The following MALRD1 variants were observed in gnomAD, a reference collection of about 807,000 sequenced individuals.
The protein encoded by MALRD1 is MAM and LDL receptor class A domain containing 1, also known as MAM and LDL-receptor class A domain-containing protein 1.
In MALRD1, 247 loss-of-function variants were observed where a neutral mutation model predicts 242.1. That is an observed-to-expected ratio of 1.02 (90% CI 0.92 to 1.13). The LOEUF is 1.13. MALRD1 is among the 50% of genes most tolerant of loss of function. MALRD1 has a pLI of 0.00. For missense variants in MALRD1, 2,989 were observed against 2,533.1 expected (o/e 1.18, Z -3.86); for synonymous variants, 995 against 866.6 (o/e 1.15, Z -2.60).
chr10:19,271,537 G>A lies in MALRD1; in HGVS notation c.3080-8510G>A, dbSNP rs568931249. On this transcript the variant is annotated intron_variant, in intron 19 of 39. Coordinates refer to ENST00000454679, the MANE Select transcript of MALRD1 (RefSeq NM_001142308.3). ...CCCAGCACTTTGGGAGGCCGAGGCGGGCAGATCACGAGGTCAGAGATCGAG... is the reference window on the plus strand; with the variant it reads ...CCCAGCACTTTGGGAGGCCGAGGCGAGCAGATCACGAGGTCAGAGATCGAG... Among the ~76,000 whole-genome samples, 10 of 152,300 alleles carry A rather than the reference G, an allele frequency of 6.6e-5. No individual in the cohort carries two copies. In the East Asian group the frequency reaches 1.2e-3, roughly 18 times the overall value.
intron 36 of MALRD1, among the ~76,000 whole-genome samples, chr10:19,687,544 C>A (rs954026399): frequency 1.3e-5 from 2 of 152,170 alleles, no homozygotes; most frequent in African/African-American, 4.8e-5. Context: ...CAGAGCTTAT[C>A]CACTTTCCTT....
intron 36 of MALRD1, among the ~76,000 whole-genome samples, chr10:19,637,340 C>G (rs1474035733): frequency 1.3e-5 from 2 of 151,966 alleles, no homozygotes; most frequent in Non-Finnish European, 2.9e-5. Flanking sequence ...TTTGATAAGA[C>G]TTGAGATAAT....
In MALRD1 at chr10:19,595,820, A is replaced by C. The variant is rs567296515; in HGVS notation, c.5944+363A>C. 5.9e-5 allele frequency among the ~76,000 whole-genome samples: 9 copies of C among 152,322 alleles called. No individual in the cohort carries two copies. In the South Asian group the frequency reaches 1.7e-3, roughly 28 times the overall value. ...CCATAAAGGTTCATGAAAATGGCTC[A>C]AGTAAAGGGCATATTGATAGAGATT... On this transcript the variant is annotated intron_variant, in intron 34 of 39. Transcript: ENST00000454679.
chr10:19,609,563 C>T (rs1005900371), intron 35 of MALRD1, among the ~76,000 whole-genome samples: 2 of 152,054 alleles, frequency 1.3e-5, no homozygotes, highest in Admixed American at 1.3e-4. Flanking sequence ...AGTGGTCTCA[C>T]CATGGTCACT....
intron 32 of MALRD1, among the ~76,000 whole-genome samples, chr10:19,541,325 C>T (rs1357286431): frequency 6.6e-6 from 1 of 152,056 alleles, no homozygotes; most frequent in African/African-American, 2.4e-5. Context: ...ATGCATAAAA[C>T]GTAGGGAGAT....
intron 31 of MALRD1, among the ~76,000 whole-genome samples, chr10:19,504,832 G>A (rs552928004): frequency 9.9e-4 from 150 of 150,858 alleles, no homozygotes; most frequent in Middle Eastern, 3.4e-3. Context: ...ACAGGCGCCC[G>A]CCACCGCGCC....
intron 5 of MALRD1, among the ~76,000 whole-genome samples, chr10:19,106,517 TTCTA>T (rs944232664): frequency 6.6e-6 from 1 of 151,948 alleles, no homozygotes; most frequent in Non-Finnish European, 1.5e-5. Flanking sequence ...TATTTGAATC[TTCTA>T]TCTTTTTTCC....
chr10:19,388,986 A>G (rs767352999), intron 27 of MALRD1, among the ~76,000 whole-genome samples: 5 of 152,132 alleles, frequency 3.3e-5, no homozygotes, highest in African/African-American at 4.8e-5. Flanking sequence ...GGATATGTCA[A>G]TGTGCAAGAA....
chr10:19,327,950 A>G (rs1320522744), intron 23 of MALRD1, among the ~76,000 whole-genome samples: 2 of 152,150 alleles, frequency 1.3e-5, no homozygotes, highest in African/African-American at 2.4e-5. Context: ...TCACACGTAT[A>G]AGGAACATTT....
chr10:19,388,568 C>T lies in MALRD1; in HGVS notation c.4687+795C>T, dbSNP rs141068574. On this transcript the variant is annotated intron_variant, in intron 27 of 39. Coordinates refer to ENST00000454679, the MANE Select transcript of MALRD1 (RefSeq NM_001142308.3). ...GATAAAATTTGACCTGTGTGCCTCACAGAGATTGTGGAGATGATGTATATG... is the reference window on the plus strand; with the variant it reads ...GATAAAATTTGACCTGTGTGCCTCATAGAGATTGTGGAGATGATGTATATG... 8.6e-4 allele frequency among the ~76,000 whole-genome samples: 131 copies of T among 152,148 alleles called. 2 individuals carry two copies. In the East Asian group the frequency reaches 0.021, roughly 25 times the overall value.
At chr10:19,368,747 G>A (rs1845219395) in intron 26 of MALRD1, among the ~76,000 whole-genome samples, 1 of 151,344 alleles carries the variant, frequency 6.6e-6, no homozygotes, top group Non-Finnish European at 1.5e-5. Context: ...AGTGATCATG[G>A]GATGTTTTTC....
At chr10:19,103,129 G>C (rs887359847) in intron 4 of MALRD1, among the ~76,000 whole-genome samples, 2 of 152,010 alleles carry the variant, frequency 1.3e-5, no homozygotes, top group Non-Finnish European at 2.9e-5. Context: ...GATTACAGGC[G>C]TGAGGCACTG....
intron 19 of MALRD1, among the ~76,000 whole-genome samples, chr10:19,258,231 C>T (rs1370665841): frequency 6.6e-6 from 1 of 152,032 alleles, no homozygotes; most frequent in Non-Finnish European, 1.5e-5. Context: ...ACATATTTTC[C>T]AGATATATAT....
At position 19,607,863 on chromosome 10, in the gene MALRD1, G is replaced by A. The variant is rs758107901; in HGVS notation, c.6031G>A (p.Asp2011Asn). ...PAHQRCDGFA[D>N]CMDFQLDESS... ...CCACCAGCGCTGTGATGGTTTTGCCGACTGCATGGATTTCCAGCTTGATGA... is the reference window on the plus strand; with the variant it reads ...CCACCAGCGCTGTGATGGTTTTGCCAACTGCATGGATTTCCAGCTTGATGA... The change falls in exon 35 of 40, where the codon GAC (aspartate) becomes AAC (asparagine). Residue 2011 changes from aspartate to asparagine, a missense_variant. Coordinates refer to ENST00000454679, the MANE Select transcript of MALRD1 (RefSeq NM_001142308.3). 2.1e-5 allele frequency: 33 copies of A among 1,549,642 alleles called. 1 individual carries two copies. In the South Asian group the frequency reaches 3.3e-4, roughly 16 times the overall value.
At chr10:19,140,526 GGTGTGT>G in intron 10 of MALRD1, among the ~76,000 whole-genome samples, 1 of 111,504 alleles carries the variant, frequency 9.0e-6, no homozygotes, top group Non-Finnish European at 2.0e-5. Context: ...AAACAAGTGG[GGTGTGT>G]GTGTGTGTGT....
chr10:19,516,492 T>A (rs1177422844), intron 31 of MALRD1, among the ~76,000 whole-genome samples: 2 of 152,208 alleles, frequency 1.3e-5, no homozygotes, highest in Non-Finnish European at 2.9e-5. Flanking sequence ...ATTAAAGATT[T>A]AGAGTCAAAT....
Position 19,605,657 on chromosome 10 carries a change from A to G in MALRD1, c.5945-2120A>G, listed in dbSNP as rs118178945. 1.6e-3 allele frequency among the ~76,000 whole-genome samples: 241 copies of G among 151,976 alleles called. 8 individuals carry two copies. In the East Asian group the frequency reaches 0.044, roughly 28 times the overall value. Reference sequence around the variant, plus strand: ...CTCTAGAAATATTAAAATTTTAAATATATTTCAATATTCTGGTCTTGACCT... The same window carrying G: ...CTCTAGAAATATTAAAATTTTAAATGTATTTCAATATTCTGGTCTTGACCT... On this transcript the variant is annotated intron_variant, in intron 34 of 39. Transcript: ENST00000454679.
intron 34 of MALRD1, among the ~76,000 whole-genome samples, chr10:19,596,574 CA>C (rs1447914836): frequency 2.0e-5 from 3 of 151,592 alleles, no homozygotes; most frequent in African/African-American, 7.3e-5. Context: ...ACAAAAATAG[CA>C]ATAGTAATAA....
chr10:19,209,111 A>T (rs1306848714), intron 17 of MALRD1, among the ~76,000 whole-genome samples, 157 bp from the exon 18 acceptor site: 3 of 151,976 alleles, frequency 2.0e-5, no homozygotes, highest in Non-Finnish European at 4.4e-5. Flanking sequence ...CTCTTTTTTT[A>T]AAAAAAACAC....
Sources: allele counts gnomAD v4.1 joint callset (sites outside exome capture counted in the v4.1 genomes callset), GRCh38; gene constraint gnomAD v4.1.1; transcripts MANE v1.5; gene names NCBI Gene and HGNC (gene_info 2026-07-23, HGNC 2026-07-21).